Variants in SOS2 observed in about 807,000 individuals in gnomAD.
The protein encoded by SOS2 is son of sevenless homolog 2.
In SOS2, 65 loss-of-function variants were observed where a neutral mutation model predicts 148.2. The observed-to-expected ratio is 0.44, with a 90% CI of 0.36 to 0.54. SOS2 has a LOEUF of 0.54. Among genes scored for constraint, SOS2 ranks in the 20% least tolerant of loss-of-function variants. The probability of loss-of-function intolerance (pLI) is 0.00; values close to 1 mark genes in which losing one functional copy is unlikely to be tolerated. For synonymous variants in SOS2, 539 were observed against 537.1 expected, an observed-to-expected ratio of 1.00 and a Z score of -0.05; for missense variants, 1,341 against 1,590.2, an observed-to-expected ratio of 0.84 and a Z score of 2.67.
chr14:50,183,812 A>T (rs1315362651), intron 5 of SOS2, among the ~76,000 whole-genome samples: 3 of 152,336 alleles, frequency 2.0e-5, no homozygotes, highest in Non-Finnish European at 4.4e-5. Context: ...TCTGAGAAGG[A>T]ATTACAGATT....
intron 12 of SOS2, chr14:50,156,679 T>G (rs1394581188): frequency 1.9e-5 from 3 of 154,446 alleles, no homozygotes; most frequent in African/African-American, 7.3e-5. Context: ...AAAGCTCACA[T>G]GAAATTTTAT....
At chr14:50,163,389 C>A (rs1379780593) in intron 8 of SOS2, among the ~76,000 whole-genome samples, 1 of 152,078 alleles carries the variant, frequency 6.6e-6, no homozygotes, top group African/African-American at 2.4e-5. Flanking sequence ...AACTAACTGG[C>A]TATTGTTTGA....
intron 21 of SOS2, among the ~76,000 whole-genome samples, chr14:50,126,577 TAAAA>T (rs1341076945): frequency 6.6e-6 from 1 of 151,934 alleles, no homozygotes; most frequent in Non-Finnish European, 1.5e-5. Context: ...AGGATGCTAT[TAAAA>T]AAAGGCACAA....
chr14:50,188,302 G>C (rs1252534207), intron 5 of SOS2, among the ~76,000 whole-genome samples, 195 bp downstream of exon 5: 1 of 152,228 alleles, frequency 6.6e-6, no homozygotes, highest in Non-Finnish European at 1.5e-5. Context: ...CTACTCAGGA[G>C]GCTGAGGCAG....
chr14:50,190,797 T>C (rs1456175735), intron 4 of SOS2, among the ~76,000 whole-genome samples: 2 of 152,180 alleles, frequency 1.3e-5, no homozygotes, highest in Non-Finnish European at 2.9e-5. Context: ...CTCCATGCAA[T>C]CCACCTTCTT....
rs181284424 is a variant in SOS2, at chr14:50,134,170, T to C, written c.3028A>G (p.Lys1010Glu). 6.2e-7 allele frequency: 1 copy of C among 1,609,462 alleles called. No homozygotes were observed. Among genetic ancestry groups the C allele is most frequent in the Admixed American group, 1.7e-5 (1 of 59,908 alleles). ...TTTCGAGGTTCAATTTCTAGTGACT[T>C]GTTGAACAAATAATCTGTAAACTCT... The part of the protein sequence containing the change: ...EKEFTDYLFN[K>E]SLEIEPRNCK... Residue 1010 changes from lysine to glutamate, a missense_variant, in exon 19 of 23, where the codon AAG (lysine) becomes GAG (glutamate). By Grantham distance (56) the Lys-to-Glu change is moderately conservative. This residue lies in a region of SOS2 where 408 missense variants were observed against 506.6 expected (regional missense o/e 0.81). Coordinates refer to ENST00000216373, the MANE Select transcript of SOS2 (RefSeq NM_006939.4).
At position 50,159,644 on chromosome 14, in the gene SOS2, T is replaced by C. The variant is rs1377741076; in HGVS notation, c.1639A>G (p.Thr547Ala). ...ACTGAATCTAACATTCGATCTAGAGTACTACGATAATGAAGAGAAATAAGG... is the reference window on the plus strand; with the variant it reads ...ACTGAATCTAACATTCGATCTAGAGCACTACGATAATGAAGAGAAATAAGG... Reference protein sequence around the residue: ...AALISLHYRSTLDRMLDSVLL... With the variant: ...AALISLHYRSALDRMLDSVLL... Residue 547 changes from threonine to alanine, a missense_variant, in exon 10 of 23, where the codon ACT becomes GCT. By Grantham distance (58) the Thr-to-Ala change is moderately conservative (BLOSUM62 0). Coordinates refer to ENST00000216373, the MANE Select transcript of SOS2 (RefSeq NM_006939.4). 6.2e-7 allele frequency: 1 copy of C among 1,613,738 alleles called. No individual in the cohort carries two copies. Among genetic ancestry groups the C allele is most frequent in the Non-Finnish European group, 8.5e-7 (1 of 1,179,716 alleles).
chr14:50,223,518 C>CA (rs1369766871), intron 1 of SOS2, among the ~76,000 whole-genome samples: 1 of 151,310 alleles, frequency 6.6e-6, no homozygotes, highest in Admixed American at 6.6e-5. Flanking sequence ...ACTAAAAATA[C>CA]AAAAAAATTA....
At chr14:50,226,859 TA>T (rs1211440319) in intron 1 of SOS2, among the ~76,000 whole-genome samples, 1 of 152,186 alleles carries the variant, frequency 6.6e-6, no homozygotes. Flanking sequence ...TCTCAACATA[TA>T]ATCAAATAAC....
intron 1 of SOS2, among the ~76,000 whole-genome samples, chr14:50,224,272 C>T (rs1322046740): frequency 1.5e-5 from 2 of 133,890 alleles, no homozygotes; most frequent in Non-Finnish European, 3.1e-5. Context: ...GCCTGGGTGA[C>T]AGAGCAAGAC....
In SOS2 at chr14:50,199,852, C is replaced by A; in HGVS notation, c.349G>T (p.Val117Leu). ...VDKIHPSLKE[V>L]LGYKVDYHVS... The stretch of plus-strand genomic sequence containing the variant: ...TGGTAGTCCACTTTGTACCCTAATA[C>A]TTCCTGTGAAAAGAATAAATAATTT... Residue 117 changes from valine to leucine, a missense_variant, in exon 4 of 23, where the codon GTA becomes TTA. Physicochemically the swap from Val to Leu is conservative, Grantham distance 32 (BLOSUM62 1). Transcript: ENST00000216373. The A allele has an allele frequency of 6.4e-7, 1 of 1,554,148 alleles. No individual in the cohort carries two copies. Among genetic ancestry groups the A allele is most frequent in the Non-Finnish European group, 8.8e-7 (1 of 1,141,730 alleles).
chr14:50,130,436 A>C (rs781608015), intron 20 of SOS2, 65 bp downstream of exon 20: 81 of 1,370,670 alleles, frequency 5.9e-5, no homozygotes, highest in Non-Finnish European at 7.7e-5. Context: ...CCCTAATTAA[A>C]ATGATAAGAA....
chr14:50,194,587 C>T (rs992866360), intron 4 of SOS2, among the ~76,000 whole-genome samples: 1 of 149,022 alleles, frequency 6.7e-6, no homozygotes, highest in African/African-American at 2.5e-5. Flanking sequence ...ACCCACCTGT[C>T]CAACATGGTA....
At chr14:50,121,744 G>A (rs1325611225) in intron 21 of SOS2, among the ~76,000 whole-genome samples, 1 of 151,950 alleles carries the variant, frequency 6.6e-6, no homozygotes, top group Non-Finnish European at 1.5e-5. Flanking sequence ...CTTCTGCGGG[G>A]GTGTCCTGTT....
At position 50,129,215 on chromosome 14, in the gene SOS2, TA is replaced by T. The variant is rs201014074; in HGVS notation, c.3379+745del. Reference sequence around the variant, plus strand: ...ACTGCTTTAATTAAATAAGATGATGTAAAAAAAAATAAGTGACTGAGGATAT... The same window carrying T: ...ACTGCTTTAATTAAATAAGATGATGTAAAAAAAATAAGTGACTGAGGATAT... On this transcript the variant is annotated intron_variant, in intron 21 of 22. Transcript: ENST00000216373. Among the ~76,000 whole-genome samples the T allele has an allele frequency of 4.2e-4, 64 of 151,226 alleles. No individual in the cohort carries two copies. The East Asian group carries it at 0.012, about 28-fold the overall frequency.
rs1480658842 is a variant in SOS2, at chr14:50,120,337, G to A, written c.3427C>T (p.Pro1143Ser). ...CGSLHKLSEE[P>S]LIPPPLPPRK... ...GGAGGAAGAGGAGGAGGAATCAGGG[G>A]CTCTTCACTTAGTTTATGTAAACTA... is the stretch of plus-strand genomic sequence containing the variant. Residue 1143 changes from proline (P) to serine (S), a missense_variant, in exon 22 of 23, where the codon CCC (proline) becomes TCC (serine). This residue lies in a region of SOS2 where 354 missense variants were observed against 347.7 expected (regional missense o/e 1.02). Coordinates refer to ENST00000216373, the MANE Select transcript of SOS2 (RefSeq NM_006939.4). 4 of 1,608,280 alleles carry A rather than the reference G, an allele frequency of 2.5e-6. No homozygotes were observed. Among genetic ancestry groups the A allele is most frequent in the African/African-American group, 2.7e-5 (2 of 74,638 alleles).
intron 1 of SOS2, among the ~76,000 whole-genome samples, chr14:50,208,963 G>A (rs1376892566): frequency 1.3e-5 from 2 of 152,152 alleles, no homozygotes; most frequent in Non-Finnish European, 2.9e-5. Context: ...ATTAACATTT[G>A]AGTTGGTAGA....
chr14:50,221,779 A>C (rs1384181228), intron 1 of SOS2, among the ~76,000 whole-genome samples: 1 of 152,192 alleles, frequency 6.6e-6, no homozygotes, highest in Non-Finnish European at 1.5e-5. Context: ...TTGAAGCTGC[A>C]GTGAGCCATG....
chr14:50,224,487 C>T (rs1454172739), intron 1 of SOS2, among the ~76,000 whole-genome samples: 1 of 151,890 alleles, frequency 6.6e-6, no homozygotes, highest in Non-Finnish European at 1.5e-5. Context: ...GCTTGATATT[C>T]TTCTGGAAGC....
Sources: allele counts gnomAD v4.1 joint callset (sites outside exome capture counted in the v4.1 genomes callset), GRCh38; gene constraint gnomAD v4.1.1; regional missense constraint gnomAD v4.1.1; transcripts MANE v1.5; gene names NCBI Gene and HGNC (gene_info 2026-07-23, HGNC 2026-07-21).